Variants in SH3KBP1 observed in about 807,000 individuals in gnomAD.
SH3KBP1 encodes the protein SH3 domain containing kinase binding protein 1.
A neutral mutation model predicts 50.1 loss-of-function variants in SH3KBP1; 8 were observed. That is an observed-to-expected ratio of 0.16 (90% CI 0.09 to 0.29). The LOEUF (loss-of-function observed/expected upper bound fraction) is 0.29, where lower values mean the gene tolerates loss of function less well. SH3KBP1 is among the 10% of genes least tolerant of loss of function. The pLI, the probability that SH3KBP1 is intolerant of heterozygous loss-of-function variation, is 1.00. For synonymous variants in SH3KBP1, 227 were observed against 218.6 expected (o/e 1.04, Z -0.34); for missense variants, 377 against 535.2 (o/e 0.70, Z 2.92).
chrX:19,600,306 C>A (rs1009141928), intron 9 of SH3KBP1, among the ~76,000 whole-genome samples: 5 of 110,083 alleles, frequency 4.5e-5, no homozygotes, highest in Non-Finnish European at 9.5e-5. Context: ...GTTGCTTGAG[C>A]CCGGGAGGCA....
chrX:19,745,906 C>G (rs1241895839), intron 3 of SH3KBP1, among the ~76,000 whole-genome samples: 1 of 112,526 alleles, frequency 8.9e-6, no homozygotes, highest in Non-Finnish European at 1.9e-5. Flanking sequence ...AGGGTCTGCG[C>G]TAGGGAGCCT....
chrX:19,544,710 G>A (rs755157958), intron 15 of SH3KBP1, among the ~76,000 whole-genome samples: 2 of 111,617 alleles, frequency 1.8e-5, no homozygotes, highest in South Asian at 3.8e-4. Flanking sequence ...GGCCCATTTC[G>A]GCTACTGAGC....
At chrX:19,687,354 A>G (rs146821253) in intron 5 of SH3KBP1, among the ~76,000 whole-genome samples, 1 of 112,689 alleles carries the variant, frequency 8.9e-6, no homozygotes, top group East Asian at 2.8e-4. Flanking sequence ...CTTTGTTTGC[A>G]CGTATGGCTC....
chrX:19,620,968 C>CTATG (rs943357815), intron 8 of SH3KBP1, among the ~76,000 whole-genome samples: 9 of 95,899 alleles, frequency 9.4e-5, no homozygotes, highest in Non-Finnish European at 1.8e-4. Context: ...ACATGTAGAT[C>CTATG]TATGGTCCAT....
At chrX:19,858,571 T>C (rs2068709823) in intron 1 of SH3KBP1, among the ~76,000 whole-genome samples, 1 of 112,317 alleles carries the variant, frequency 8.9e-6, no homozygotes, top group African/African-American at 3.2e-5. Context: ...GAGGCTGCAG[T>C]GAGCCATGAT....
At chrX:19,611,515 G>A (rs1174001246) in intron 8 of SH3KBP1, among the ~76,000 whole-genome samples, 2 of 111,127 alleles carry the variant, frequency 1.8e-5, no homozygotes, top group African/African-American at 3.3e-5. Flanking sequence ...TGCCACACCC[G>A]GCTAATTTTT....
chrX:19,705,586 T>C (rs996850953), intron 4 of SH3KBP1, among the ~76,000 whole-genome samples: 2 of 111,263 alleles, frequency 1.8e-5, no homozygotes, highest in East Asian at 5.7e-4. Context: ...AATTCGGAAG[T>C]AGGTAAAAGG....
At chrX:19,844,128 T>TA (rs2068301346) in intron 1 of SH3KBP1, among the ~76,000 whole-genome samples, 1 of 111,693 alleles carries the variant, frequency 9.0e-6, no homozygotes, top group African/African-American at 3.3e-5. Flanking sequence ...GTAAACTGTA[T>TA]ACAGAAGCTG....
intron 2 of SH3KBP1, among the ~76,000 whole-genome samples, chrX:19,794,458 C>T (rs2066647228): frequency 9.0e-6 from 1 of 110,672 alleles, no homozygotes; most frequent in Admixed American, 9.6e-5. Flanking sequence ...AATCCCAGCA[C>T]TTTGGGAGGC....
At chrX:19,600,309 G>A (rs1019275635) in intron 9 of SH3KBP1, among the ~76,000 whole-genome samples, 3 of 110,613 alleles carry the variant, frequency 2.7e-5, no homozygotes, top group African/African-American at 6.6e-5. Context: ...GCTTGAGCCC[G>A]GGAGGCAGAG....
intron 11 of SH3KBP1, among the ~76,000 whole-genome samples, chrX:19,591,119 G>C (rs55713407): frequency 9.1e-6 from 1 of 110,264 alleles, no homozygotes; most frequent in African/African-American, 3.3e-5. Flanking sequence ...CTTCTTAAGA[G>C]CTGGCAATGT....
At chrX:19,739,027 A>G (rs1352390113) in intron 3 of SH3KBP1, among the ~76,000 whole-genome samples, 1 of 106,888 alleles carries the variant, frequency 9.4e-6, no homozygotes, top group Non-Finnish European at 1.9e-5. Context: ...AAAAAAAAAA[A>G]AAAAAAAAAA....
At chrX:19,563,118 G>A (rs763221983) in intron 13 of SH3KBP1, among the ~76,000 whole-genome samples, 3 of 112,149 alleles carry the variant, frequency 2.7e-5, no homozygotes, top group African/African-American at 6.5e-5. Context: ...CCCAGCCACC[G>A]TGATGGACCA....
intron 14 of SH3KBP1, among the ~76,000 whole-genome samples, chrX:19,546,908 C>T (rs2065099296): frequency 2.7e-5 from 3 of 111,328 alleles, no homozygotes; most frequent in Non-Finnish European, 5.7e-5. Context: ...AATCCCAACA[C>T]GGGGATTATG....
chrX:19,540,506 A>C (rs1447483417), intron 16 of SH3KBP1, among the ~76,000 whole-genome samples: 1 of 111,786 alleles, frequency 8.9e-6, no homozygotes. Flanking sequence ...CCTTCAGAAA[A>C]GAACTTAAGT....
At chrX:19,679,851 T>G (rs990456351) in intron 6 of SH3KBP1, among the ~76,000 whole-genome samples, 1 of 112,245 alleles carries the variant, frequency 8.9e-6, no homozygotes, top group African/African-American at 3.2e-5. Context: ...CGGAGACATA[T>G]CCACTTGGTG....
chrX:19,709,255 T>A (rs2063722717), intron 3 of SH3KBP1, among the ~76,000 whole-genome samples: 1 of 111,819 alleles, frequency 8.9e-6, no homozygotes, highest in Non-Finnish European at 1.9e-5. Flanking sequence ...ACTGCCAACA[T>A]GCCAAAGAGT....
intron 6 of SH3KBP1, among the ~76,000 whole-genome samples, chrX:19,680,736 A>G (rs953997760): frequency 2.7e-5 from 3 of 112,350 alleles, no homozygotes; most frequent in African/African-American, 9.7e-5. Flanking sequence ...CAGGTTGTAC[A>G]ATAACATGAT....
intron 2 of SH3KBP1, among the ~76,000 whole-genome samples, chrX:19,828,671 C>T (rs1279688676): frequency 9.0e-6 from 1 of 111,178 alleles, no homozygotes; most frequent in African/African-American, 3.3e-5. Flanking sequence ...GTGGTCCTAG[C>T]TACTTGGGAG....
Sources: gnomAD v4.1 joint callset for allele counts (sites outside exome capture counted in the v4.1 genomes callset) on GRCh38, gnomAD v4.1.1 for gene constraint, MANE v1.5 for transcripts, NCBI Gene and HGNC (gene_info 2026-07-23, HGNC 2026-07-21) for gene names.